SORCS3: variants seen among roughly 807,000 people sequenced by gnomAD.
The protein encoded by SORCS3 is VPS10 domain-containing receptor SorCS3.
SORCS3 carries 57 observed loss-of-function variants against 146.3 expected under a neutral mutation model. The ratio of observed to expected loss-of-function variants is 0.39; its 90% confidence interval spans 0.31 to 0.49. The LOEUF (loss-of-function observed/expected upper bound fraction) is 0.49, where lower values mean the gene tolerates loss of function less well. SORCS3 is among the 20% of genes least tolerant of loss of function. SORCS3 has a pLI of 0.92. For synonymous variants in SORCS3, 653 were observed against 618.5 expected (o/e 1.06, Z -0.83); for missense variants, 1,341 against 1,575.5 (o/e 0.85, Z 2.52).
At chr10:104,863,886 A>G (rs1291018137) in intron 2 of SORCS3, among the ~76,000 whole-genome samples, 1 of 152,220 alleles carries the variant, frequency 6.6e-6, no homozygotes, top group African/African-American at 2.4e-5. Context: ...TGAGAATGGC[A>G]TACATAGAAT....
At chr10:104,727,861 T>C (rs1054856724) in intron 1 of SORCS3, among the ~76,000 whole-genome samples, 1 of 152,116 alleles carries the variant, frequency 6.6e-6, no homozygotes, top group Non-Finnish European at 1.5e-5. Flanking sequence ...CTAGGTTGCA[T>C]CCTTCTTATG....
At chr10:104,863,629 C>T (rs914803516) in intron 2 of SORCS3, among the ~76,000 whole-genome samples, 2 of 152,154 alleles carry the variant, frequency 1.3e-5, no homozygotes, top group Non-Finnish European at 2.9e-5. Context: ...CCGTTTAAGT[C>T]TCCTTGATCT....
chr10:105,216,884 A>G, intron 18 of SORCS3, 52 bp from the exon 19 acceptor site: 1 of 1,578,464 alleles, frequency 6.3e-7, no homozygotes, highest in South Asian at 1.1e-5. Flanking sequence ...AGCATCAGAT[A>G]GGAGTCTGGC....
At chr10:104,785,086 C>G (rs925464379) in intron 1 of SORCS3, among the ~76,000 whole-genome samples, 2 of 152,108 alleles carry the variant, frequency 1.3e-5, no homozygotes, top group African/African-American at 2.4e-5. Context: ...GCTGACCCCC[C>G]CCCACCTCCC....
rs181699744 is a variant in SORCS3, at chr10:105,085,536, T to C, written c.1029-4239T>C. ...GCTCAGGAGAAATATTGAAGAAAGA[T>C]AATTAGGGTCTCTGGCCTTAGGAAG... On this transcript the variant is annotated intron_variant, in intron 5 of 26. Coordinates refer to ENST00000369701, the MANE Select transcript of SORCS3 (RefSeq NM_014978.3). Among the ~76,000 whole-genome samples, 10 of 152,324 alleles carry C rather than the reference T, an allele frequency of 6.6e-5. No individual in the cohort carries two copies. The South Asian group carries it at 1.7e-3, about 25-fold the overall frequency.
chr10:105,206,743 G>A (rs1319404519), intron 16 of SORCS3, among the ~76,000 whole-genome samples: 1 of 152,172 alleles, frequency 6.6e-6, no homozygotes, highest in Non-Finnish European at 1.5e-5. Flanking sequence ...GCTAAATGAT[G>A]ATGTTAATGA....
chr10:104,948,270 CA>C (rs2019393989), intron 3 of SORCS3, among the ~76,000 whole-genome samples: 1 of 152,090 alleles, frequency 6.6e-6, no homozygotes, highest in Non-Finnish European at 1.5e-5. Flanking sequence ...TATGCTGTGC[CA>C]GACAGAAGTT....
chr10:104,660,804 T>A (rs929853710), intron 1 of SORCS3, among the ~76,000 whole-genome samples: 3 of 152,168 alleles, frequency 2.0e-5, no homozygotes, highest in Admixed American at 2.0e-4. Flanking sequence ...ATCTTTCTGG[T>A]CCAGAGATGC....
At chr10:104,892,911 A>T (rs899402797) in intron 2 of SORCS3, among the ~76,000 whole-genome samples, 4 of 152,048 alleles carry the variant, frequency 2.6e-5, no homozygotes, top group African/African-American at 9.7e-5. Context: ...TAATTCCTTA[A>T]AAAAGTCAAT....
chr10:104,789,089 G>T (rs1163306874), intron 1 of SORCS3, among the ~76,000 whole-genome samples: 1 of 152,162 alleles, frequency 6.6e-6, no homozygotes, highest in Non-Finnish European at 1.5e-5. Flanking sequence ...TGTGTGGAAT[G>T]GCCAAGTGGG....
At chr10:105,143,754 A>G (rs575274998) in intron 8 of SORCS3, among the ~76,000 whole-genome samples, 1 of 152,302 alleles carries the variant, frequency 6.6e-6, no homozygotes, top group East Asian at 1.9e-4. Flanking sequence ...AAAGGAAAAG[A>G]GGAGTTTCAT....
intron 1 of SORCS3, among the ~76,000 whole-genome samples, chr10:104,698,158 A>G (rs942945848): frequency 6.6e-6 from 1 of 152,162 alleles, no homozygotes; most frequent in South Asian, 2.1e-4. Flanking sequence ...GCACTCTGTC[A>G]TTTCTTTTGT....
chr10:105,157,790 G>C (rs1215022179), intron 10 of SORCS3, among the ~76,000 whole-genome samples: 1 of 152,184 alleles, frequency 6.6e-6, no homozygotes, highest in Non-Finnish European at 1.5e-5. Flanking sequence ...TGATGTGTGA[G>C]ATGGTATCTC....
At chr10:105,005,178 C>T (rs2055087242) in intron 4 of SORCS3, among the ~76,000 whole-genome samples, 1 of 152,130 alleles carries the variant, frequency 6.6e-6, no homozygotes, top group African/African-American at 2.4e-5. Context: ...TATAATACAC[C>T]TAGCCCAGGA....
At chr10:105,106,885 G>A (rs1298419175) in intron 7 of SORCS3, among the ~76,000 whole-genome samples, 2 of 152,098 alleles carry the variant, frequency 1.3e-5, no homozygotes, top group African/African-American at 2.4e-5. Flanking sequence ...CACATACATT[G>A]CAAAATACAT....
intron 1 of SORCS3, among the ~76,000 whole-genome samples, chr10:104,687,021 C>T (rs1258948573): frequency 1.3e-5 from 2 of 152,162 alleles, no homozygotes; most frequent in Non-Finnish European, 2.9e-5. Flanking sequence ...ATCTATTCAT[C>T]CATCCATGCA....
chr10:104,745,032 A>G (rs556729958), intron 1 of SORCS3, among the ~76,000 whole-genome samples: 2 of 152,378 alleles, frequency 1.3e-5, no homozygotes, highest in African/African-American at 4.8e-5. Flanking sequence ...GATTAGCTAC[A>G]CTTAGTATTT....
chr10:104,703,510 C>G (rs2133432582), intron 1 of SORCS3, among the ~76,000 whole-genome samples: 1 of 150,054 alleles, frequency 6.7e-6, no homozygotes, highest in East Asian at 2.0e-4. Flanking sequence ...AACAGAAAAC[C>G]AAACACTGCA....
intron 20 of SORCS3, among the ~76,000 whole-genome samples, chr10:105,238,183 G>C (rs997809129): frequency 6.6e-6 from 1 of 152,194 alleles, no homozygotes; most frequent in Non-Finnish European, 1.5e-5. Flanking sequence ...AGTGGGCAAT[G>C]TGAAATTTCA....
Sources: allele counts gnomAD v4.1 joint callset (sites outside exome capture counted in the v4.1 genomes callset), GRCh38; gene constraint gnomAD v4.1.1; transcripts MANE v1.5; gene names NCBI Gene and HGNC (gene_info 2026-07-23, HGNC 2026-07-21).